PCDHA2: variants seen among roughly 807,000 people sequenced by gnomAD.
PCDHA2 encodes protocadherin alpha-2.
In PCDHA2, 58 loss-of-function variants were observed where a neutral mutation model predicts 66.0. The observed-to-expected ratio is 0.88, with a 90% CI of 0.71 to 1.09. PCDHA2 has a LOEUF of 1.09. PCDHA2 is among the 50% of genes least tolerant of loss of function. The probability of loss-of-function intolerance (pLI) is 0.00; values close to 1 mark genes in which losing one functional copy is unlikely to be tolerated. For synonymous variants in PCDHA2, 634 were observed against 554.0 expected (o/e 1.14, Z -2.03); for missense variants, 1,267 against 1,242.3 (o/e 1.02, Z -0.30).
At chr5:140,811,821 T>C (rs1215583343) in intron 1 of PCDHA2, 1 of 152,226 alleles carries the variant, frequency 6.6e-6, no homozygotes. Flanking sequence ...TCTGTTCATA[T>C]CCTTTGCCCA....
intron 1 of PCDHA2, among the ~76,000 whole-genome samples, chr5:140,964,876 G>A (rs2095860081): frequency 6.6e-6 from 1 of 152,188 alleles, no homozygotes; most frequent in Non-Finnish European, 1.5e-5. Flanking sequence ...CAAATAAGAA[G>A]CAGCAGTGAT....
chr5:140,856,169 G>C lies in PCDHA2; in HGVS notation c.2388+58817G>C, dbSNP rs200441286. ...CTCAGTCTACGAGGAGGCCAGACAC[G>C]GCACCTTCGTGGGCCGCATCGCGCA... On this transcript the variant is annotated intron_variant, in intron 1 of 3. Coordinates refer to ENST00000526136, the MANE Select transcript of PCDHA2 (RefSeq NM_018905.3). 4 of 1,598,346 alleles carry C rather than the reference G, an allele frequency of 2.5e-6. 1 individual carries two copies. Among genetic ancestry groups the C allele is most frequent in the Non-Finnish European group, 3.4e-6 (4 of 1,167,908 alleles).
chr5:140,824,573 G>A (rs1383380064), intron 1 of PCDHA2: 2 of 157,802 alleles, frequency 1.3e-5, no homozygotes, highest in East Asian at 1.7e-4. Context: ...TATCTCAGCC[G>A]CCCAAGTAGC....
chr5:140,884,791 C>T, intron 1 of PCDHA2: 1 of 1,319,574 alleles, frequency 7.6e-7, no homozygotes, highest in Non-Finnish European at 1.0e-6. Context: ...TAGTTGTTAT[C>T]GAATTTAACA....
chr5:140,841,253 G>A, intron 1 of PCDHA2: 1 of 1,510,284 alleles, frequency 6.6e-7, no homozygotes, highest in Non-Finnish European at 8.9e-7. Context: ...TGGATTAAAA[G>A]ACTCTGAAAG....
At chr5:140,971,466 G>A (rs928383559) in intron 1 of PCDHA2, among the ~76,000 whole-genome samples, 2 of 152,144 alleles carry the variant, frequency 1.3e-5, no homozygotes, top group Non-Finnish European at 2.9e-5. Flanking sequence ...GCAGTTATAG[G>A]GAGAGAGTGT....
intron 1 of PCDHA2, among the ~76,000 whole-genome samples, chr5:140,973,831 C>T (rs1212841510): frequency 1.3e-5 from 2 of 152,214 alleles, no homozygotes; most frequent in African/African-American, 4.8e-5. Flanking sequence ...GTTCTGGGTA[C>T]TTGCTTGTTG....
intron 1 of PCDHA2, among the ~76,000 whole-genome samples, chr5:140,976,851 T>C (rs1402328541): frequency 6.6e-6 from 1 of 152,206 alleles, no homozygotes; most frequent in African/African-American, 2.4e-5. Context: ...ATCCCTTTCA[T>C]AGAGTTTACT....
intron 1 of PCDHA2, among the ~76,000 whole-genome samples, chr5:140,940,904 GT>G (rs1437754574): frequency 6.6e-6 from 1 of 152,188 alleles, no homozygotes; most frequent in Non-Finnish European, 1.5e-5. Context: ...TTTAAATCAA[GT>G]TCAAGACTTG....
At chr5:140,840,288 A>G (rs2150305409) in intron 1 of PCDHA2, among the ~76,000 whole-genome samples, 1,565 of 152,122 alleles carry the variant, frequency 0.01, 48 homozygotes, top group African/African-American at 0.036. Flanking sequence ...TTGGGTGATT[A>G]TTGATTAGAT....
At chr5:141,003,368 G>C (rs2098121009) in intron 3 of PCDHA2, among the ~76,000 whole-genome samples, 1 of 152,190 alleles carries the variant, frequency 6.6e-6, no homozygotes, top group Non-Finnish European at 1.5e-5. Flanking sequence ...CTGGAGTGCA[G>C]TGGTGCAATC....
intron 3 of PCDHA2, among the ~76,000 whole-genome samples, chr5:140,997,125 A>C (rs2097760835): frequency 6.6e-6 from 1 of 152,072 alleles, no homozygotes; most frequent in Admixed American, 6.6e-5. Context: ...CCACATACAC[A>C]ATGCCCCCAC....
chr5:140,801,193 T>G (rs781924888), intron 1 of PCDHA2: 2 of 1,586,700 alleles, frequency 1.3e-6, no homozygotes, highest in Non-Finnish European at 1.7e-6. Flanking sequence ...TGGAAAATAC[T>G]TGCAATGTTG....
Position 140,877,016 on chromosome 5 carries a change from G to T in PCDHA2, c.2388+79664G>T, listed in dbSNP as rs781790454. The T allele has an allele frequency of 4.7e-5, 76 of 1,612,480 alleles. No individual in the cohort carries two copies. The highest frequency in any genetic ancestry group is 4.0e-4 in the Middle Eastern group (2 of 5,052). The stretch of plus-strand genomic sequence containing the variant: ...TACGTGTCGGTGCACGCGGAGAGCG[G>T]CAAGGTGTACGCGCTGCAGCCGCTA... On this transcript the variant is annotated intron_variant, in intron 1 of 3. Coordinates refer to ENST00000526136, the MANE Select transcript of PCDHA2 (RefSeq NM_018905.3).
chr5:140,805,779 A>C (rs745828596), intron 1 of PCDHA2: 10 of 190,748 alleles, frequency 5.2e-5, no homozygotes, highest in Non-Finnish European at 5.8e-5. Context: ...ATGTCTAGAG[A>C]CTTTTTTTGT....
At position 140,796,347 on chromosome 5, in the gene PCDHA2, A is replaced by G. The variant is rs111743563; in HGVS notation, c.1383A>G (p.Thr461=). The G allele has an allele frequency of 0.023, 36,331 of 1,611,414 alleles. 541 individuals are homozygous for G. The highest frequency in any genetic ancestry group is 0.026 in the Non-Finnish European group (30,982 of 1,179,322). Residue 461 remains threonine, a synonymous_variant, in exon 1 of 4, where the codon ACA becomes ACG. Transcript: ENST00000526136. Reference sequence around the variant, plus strand: ...CGGCGTTCGCACAGCCTGAGTACACAGTATTCGTGAAGGAGAACAACCCGC... The same window carrying G: ...CGGCGTTCGCACAGCCTGAGTACACGGTATTCGTGAAGGAGAACAACCCGC... The part of the protein sequence containing the change: ...NAPAFAQPEY[T]VFVKENNPPG...
chr5:140,841,809 G>T, intron 1 of PCDHA2: 1 of 1,613,904 alleles, frequency 6.2e-7, no homozygotes. Context: ...GCAGATGTTG[G>T]AGCTAACTCC....
intron 1 of PCDHA2, chr5:140,876,186 T>A: frequency 1.2e-6 from 2 of 1,613,960 alleles, no homozygotes; most frequent in Middle Eastern, 1.6e-4. Context: ...TGAATGACAA[T>A]GGTCCGGCGT....
intron 1 of PCDHA2, among the ~76,000 whole-genome samples, chr5:140,819,976 T>G (rs1554127771): frequency 6.6e-6 from 1 of 152,034 alleles, no homozygotes; most frequent in Non-Finnish European, 1.5e-5. Flanking sequence ...AAAGGTTATC[T>G]TTGTGTATTT....
Sources: gnomAD v4.1 joint callset for allele counts (sites outside exome capture counted in the v4.1 genomes callset) on GRCh38, gnomAD v4.1.1 for gene constraint, MANE v1.5 for transcripts, NCBI Gene and HGNC (gene_info 2026-07-23, HGNC 2026-07-21) for gene names.